The following GALNTL6 variants were observed in gnomAD, a reference collection of about 807,000 sequenced individuals.
GALNTL6 encodes polypeptide N-acetylgalactosaminyltransferase like 6.
Under a neutral mutation model 73.7 loss-of-function variants are expected in GALNTL6, and 46 were observed. The ratio of observed to expected loss-of-function variants is 0.62; its 90% CI spans 0.49 to 0.80. The LOEUF is 0.80. Ranked by LOEUF, GALNTL6 falls within the 30% of genes least tolerant of loss-of-function variation. GALNTL6 has a pLI of 0.00. For synonymous variants in GALNTL6, 259 were observed against 263.7 expected, an observed-to-expected ratio of 0.98 and a Z score of 0.17; for missense variants, 604 against 755.0, an observed-to-expected ratio of 0.80 and a Z score of 2.34.
chr4:173,001,693 T>A (rs957285006), intron 10 of GALNTL6, among the ~76,000 whole-genome samples: 2 of 152,126 alleles, frequency 1.3e-5, no homozygotes, highest in African/African-American at 4.8e-5. Context: ...ATGACTCAAT[T>A]CAGAAATAGG....
intron 12 of GALNTL6, among the ~76,000 whole-genome samples, chr4:173,035,470 G>A (rs10471198): frequency 5.9e-4 from 90 of 152,266 alleles, no homozygotes; most frequent in African/African-American, 2.1e-3. Context: ...GAGCCACCGC[G>A]CCTGGCCTAC....
At chr4:172,321,214 C>T (rs565438768) in intron 4 of GALNTL6, among the ~76,000 whole-genome samples, 27 of 152,102 alleles carry the variant, frequency 1.8e-4, no homozygotes, top group African/African-American at 5.8e-4. Context: ...TACTAGGGGT[C>T]GTGGAACATA....
chr4:172,492,423 T>G (rs1733930043), intron 5 of GALNTL6, among the ~76,000 whole-genome samples: 1 of 152,152 alleles, frequency 6.6e-6, no homozygotes, highest in African/African-American at 2.4e-5. Flanking sequence ...TCACTCAGAG[T>G]AAGCAGTCTG....
At chr4:171,830,875 T>C (rs1314581726) in intron 2 of GALNTL6, among the ~76,000 whole-genome samples, 1 of 152,134 alleles carries the variant, frequency 6.6e-6, no homozygotes, top group Non-Finnish European at 1.5e-5. Flanking sequence ...TTGTATAACA[T>C]TTACTATAAA....
chr4:171,819,061 C>A (rs1461016458), intron 2 of GALNTL6, among the ~76,000 whole-genome samples: 1 of 151,506 alleles, frequency 6.6e-6, no homozygotes, highest in Non-Finnish European at 1.5e-5. Context: ...CCTTTTTTAG[C>A]AAATACCTTA....
intron 2 of GALNTL6, among the ~76,000 whole-genome samples, chr4:172,221,701 G>A (rs538464908): frequency 6.5e-4 from 99 of 151,792 alleles, no homozygotes; most frequent in African/African-American, 2.2e-3. Context: ...TAGCAAGCAG[G>A]GATACAGAGG....
intron 3 of GALNTL6, among the ~76,000 whole-genome samples, chr4:172,305,781 A>G (rs1174912351): frequency 6.6e-6 from 1 of 152,220 alleles, no homozygotes; most frequent in Non-Finnish European, 1.5e-5. Context: ...CACAACTGCA[A>G]AGAAGGAATG....
intron 5 of GALNTL6, among the ~76,000 whole-genome samples, chr4:172,579,484 A>G (rs1737086196): frequency 6.6e-6 from 1 of 152,174 alleles, no homozygotes; most frequent in Non-Finnish European, 1.5e-5. Context: ...TCTCAAGGGC[A>G]TTTACCAATT....
intron 3 of GALNTL6, among the ~76,000 whole-genome samples, chr4:172,236,985 C>A (rs921181331): frequency 1.3e-5 from 2 of 152,174 alleles, no homozygotes; most frequent in African/African-American, 4.8e-5. Context: ...CCTGTTCCTG[C>A]TTTAGTTTAC....
At chr4:172,916,559 C>T (rs562423505) in intron 8 of GALNTL6, among the ~76,000 whole-genome samples, 8 of 152,266 alleles carry the variant, frequency 5.3e-5, no homozygotes, top group Admixed American at 4.6e-4. Flanking sequence ...TCTCAGGATA[C>T]AAAATCAATG....
chr4:171,832,309 G>A (rs945625837), intron 2 of GALNTL6, among the ~76,000 whole-genome samples: 2 of 149,980 alleles, frequency 1.3e-5, no homozygotes, highest in African/African-American at 4.9e-5. Context: ...AATTTTTTTT[G>A]TATCTCAAAC....
intron 2 of GALNTL6, among the ~76,000 whole-genome samples, chr4:171,895,536 T>C (rs1736885498): frequency 6.6e-6 from 1 of 151,996 alleles, no homozygotes; most frequent in Non-Finnish European, 1.5e-5. Flanking sequence ...GAGGACCGAG[T>C]TGCTGTCCAA....
intron 5 of GALNTL6, among the ~76,000 whole-genome samples, chr4:172,787,804 G>A (rs146897723): frequency 3.8e-3 from 578 of 152,192 alleles, no homozygotes; most frequent in Middle Eastern, 0.01. Flanking sequence ...TGGCATGTTC[G>A]GTGAGACACA....
At chr4:172,317,811 G>T (rs1740615642) in intron 4 of GALNTL6, among the ~76,000 whole-genome samples, 1 of 152,094 alleles carries the variant, frequency 6.6e-6, no homozygotes, top group South Asian at 2.1e-4. Flanking sequence ...AATAGCACTA[G>T]TTGATTGCCT....
At chr4:172,965,630 A>AC (rs748751557) in intron 10 of GALNTL6, among the ~76,000 whole-genome samples, 39 of 151,828 alleles carry the variant, frequency 2.6e-4, no homozygotes, top group African/African-American at 9.4e-4. Flanking sequence ...AAAAAAAAAA[A>AC]ACAATTTTAA....
intron 2 of GALNTL6, among the ~76,000 whole-genome samples, chr4:172,147,157 G>A (rs572668615): frequency 2.8e-4 from 43 of 152,246 alleles, no homozygotes; most frequent in African/African-American, 1.0e-3. Flanking sequence ...ACTTTATTAA[G>A]ATGTTAGCCT....
chr4:172,868,555 T>A (rs995655389), intron 7 of GALNTL6, among the ~76,000 whole-genome samples: 12 of 152,220 alleles, frequency 7.9e-5, no homozygotes, highest in Non-Finnish European at 4.4e-5. Context: ...CTTTGCAAGC[T>A]CTATAAATTC....
At chr4:172,898,854 G>A (rs538297080) in intron 8 of GALNTL6, among the ~76,000 whole-genome samples, 37 of 152,288 alleles carry the variant, frequency 2.4e-4, no homozygotes, top group South Asian at 8.3e-4. Context: ...CAGACAGCCC[G>A]GCGCTGCATT....
At chr4:172,255,140 T>C (rs1738027933) in intron 3 of GALNTL6, among the ~76,000 whole-genome samples, 1 of 151,630 alleles carries the variant, frequency 6.6e-6, no homozygotes, top group South Asian at 2.1e-4. Context: ...AGACAGTTGG[T>C]ATTTGAATTG....
Sources: allele counts gnomAD v4.1 joint callset (sites outside exome capture counted in the v4.1 genomes callset), GRCh38; gene constraint gnomAD v4.1.1; transcripts MANE v1.5; gene names NCBI Gene and HGNC (gene_info 2026-07-23, HGNC 2026-07-21).